The following UPF2 variants were observed in gnomAD, a reference collection of about 807,000 sequenced individuals.
The protein encoded by UPF2 is UPF2 regulator of nonsense mediated mRNA decay.
A neutral mutation model predicts 141.4 loss-of-function variants in UPF2; 17 were observed. The ratio of observed to expected loss-of-function variants is 0.12; its 90% CI spans 0.08 to 0.18. UPF2 has a LOEUF of 0.18. Ranked by LOEUF, UPF2 falls within the 10% of genes least tolerant of loss-of-function variation. UPF2 has a pLI of 1.00. For synonymous variants in UPF2, 540 were observed against 498.0 expected (o/e 1.08, Z -1.12); for missense variants, 1,152 against 1,515.9 (o/e 0.76, Z 3.99).
chr10:11,986,147 G>A (rs1487566412), intron 8 of UPF2, among the ~76,000 whole-genome samples: 1 of 151,932 alleles, frequency 6.6e-6, no homozygotes, highest in Non-Finnish European at 1.5e-5. Flanking sequence ...GCCTCCCAAA[G>A]TGCTGGGATT....
chr10:11,942,613 G>T, intron 18 of UPF2, 52 bp downstream of exon 18: 5 of 1,530,138 alleles, frequency 3.3e-6, no homozygotes, highest in Non-Finnish European at 4.5e-6. Context: ...AATGTAATGG[G>T]CTGCAATGTT....
chr10:11,948,265 A>C (rs1833029378), intron 16 of UPF2, 104 bp downstream of exon 16: 2 of 1,173,942 alleles, frequency 1.7e-6, no homozygotes, highest in Non-Finnish European at 1.1e-6. Flanking sequence ...AAAAAAAAAA[A>C]AAAAACCAGG....
chr10:11,977,924 G>GAA (rs1180155866), intron 9 of UPF2, among the ~76,000 whole-genome samples: 1 of 152,130 alleles, frequency 6.6e-6, no homozygotes. Context: ...ATGAAAATCT[G>GAA]AAAAACACTT....
rs1279399348 is a variant in UPF2, at chr10:11,939,980, G to A, written c.3378+2685C>T. On this transcript the variant is annotated intron_variant, in intron 18 of 21. Transcript: ENST00000357604. This position sits in a 1 kb window ranked among gnomAD's most constrained non-coding sequence, Gnocchi z 4.8. Reference sequence around the variant, plus strand: ...AAACAAAACAAAACATCTTCCTGGTGTGATATAATTAGGATTATACTAAGT... The same window carrying A: ...AAACAAAACAAAACATCTTCCTGGTATGATATAATTAGGATTATACTAAGT... Among the ~76,000 whole-genome samples, 1 of 152,122 alleles carries A rather than the reference G, an allele frequency of 6.6e-6. No individual in the cohort carries two copies. Among genetic ancestry groups the A allele is most frequent in the Non-Finnish European group, 1.5e-5 (1 of 68,024 alleles).
intron 3 of UPF2, among the ~76,000 whole-genome samples, chr10:12,015,905 C>G (rs960779968): frequency 1.3e-5 from 2 of 151,722 alleles, no homozygotes; most frequent in African/African-American, 4.8e-5. Context: ...ATCATTCTAC[C>G]AACACATTAG....
At chr10:11,996,146 G>A (rs1833860932) in intron 8 of UPF2, among the ~76,000 whole-genome samples, 1 of 152,112 alleles carries the variant, frequency 6.6e-6, no homozygotes, top group Admixed American at 6.5e-5. Context: ...ATGGATCACA[G>A]TACACAGCAG....
At chr10:12,034,374 G>A (rs1392059615) in intron 2 of UPF2, among the ~76,000 whole-genome samples, 1 of 151,782 alleles carries the variant, frequency 6.6e-6, no homozygotes, top group Non-Finnish European at 1.5e-5. Flanking sequence ...CCAGGCAGGA[G>A]TGCAGTGGCA....
intron 8 of UPF2, among the ~76,000 whole-genome samples, chr10:11,983,211 T>C (rs1833628319): frequency 6.6e-6 from 1 of 152,232 alleles, no homozygotes; most frequent in Non-Finnish European, 1.5e-5. Flanking sequence ...TAACATTACA[T>C]TTTATCAAGC....
chr10:11,966,892 T>C (rs750865383), intron 10 of UPF2, among the ~76,000 whole-genome samples: 2 of 152,252 alleles, frequency 1.3e-5, no homozygotes, highest in African/African-American at 2.4e-5. Flanking sequence ...GTAGAAATGT[T>C]TGTATTCACA....
chr10:12,015,173 TAA>T (rs1239948989), intron 3 of UPF2, among the ~76,000 whole-genome samples: 3 of 152,240 alleles, frequency 2.0e-5, no homozygotes, highest in African/African-American at 7.2e-5. Flanking sequence ...TTATAAATTA[TAA>T]AAGTTATTTT....
chr10:12,009,632 C>T lies in UPF2; in HGVS notation c.1306+4392G>A, dbSNP rs566957899. ...ACGAAAAACTCAGCTCTACAATTGC[C>T]CCAGCTTACTTCATAAAGAGATTTT... On this transcript the variant is annotated intron_variant, in intron 4 of 21. Transcript: ENST00000357604. Among the ~76,000 whole-genome samples the T allele has an allele frequency of 4.6e-5, 7 of 152,258 alleles. No individual in the cohort carries two copies. The South Asian group carries it at 1.2e-3, about 27-fold the overall frequency.
At position 11,956,591 on chromosome 10, in the gene UPF2, A is replaced by G; in HGVS notation, c.2371-68T>C. 2.7e-6 allele frequency: 4 copies of G among 1,466,990 alleles called. No homozygotes were observed. Among genetic ancestry groups the G allele is most frequent in the Non-Finnish European group, 3.7e-6 (4 of 1,073,662 alleles). 90.9% of individuals were successfully genotyped at this position (1,466,990 alleles called of 1,614,324 possible). On this transcript the variant is annotated intron_variant, in intron 12 of 21. Transcript: ENST00000357604. This position sits in a 1 kb window ranked among gnomAD's most constrained non-coding sequence, Gnocchi z 4.2. ...CAGTAGCCTGACCAAATAATACAGA[A>G]ATTTTGCTATGATTGCGCAGAGAAC...
At chr10:11,984,217 G>A (rs142388511) in intron 8 of UPF2, among the ~76,000 whole-genome samples, 1,746 of 152,226 alleles carry the variant, frequency 0.011, 25 homozygotes, top group African/African-American at 0.04. Context: ...CAGCGTGCCC[G>A]ATCAATTAAT....
chr10:12,017,501 T>C (rs1368227886), intron 3 of UPF2, among the ~76,000 whole-genome samples: 2 of 152,214 alleles, frequency 1.3e-5, no homozygotes, highest in Admixed American at 6.5e-5. Flanking sequence ...CATTCTATGA[T>C]GGTTCCCTGA....
chr10:11,963,537 T>G (rs1334817440), intron 11 of UPF2, among the ~76,000 whole-genome samples: 2 of 152,170 alleles, frequency 1.3e-5, no homozygotes, highest in Non-Finnish European at 2.9e-5. Context: ...GAGGTCTCAC[T>G]ATGTTGCCAA....
intron 16 of UPF2, among the ~76,000 whole-genome samples, chr10:11,947,135 G>A (rs58346015): frequency 2.2e-3 from 332 of 152,232 alleles, no homozygotes; most frequent in African/African-American, 7.6e-3. Flanking sequence ...TACGGAGGTG[G>A]AGACTACGGT....
chr10:11,961,352 T>C (rs1292685386), intron 11 of UPF2, among the ~76,000 whole-genome samples: 1 of 151,900 alleles, frequency 6.6e-6, no homozygotes, highest in Non-Finnish European at 1.5e-5. Flanking sequence ...AGGGAAGGTT[T>C]TTCTGAGAAA....
At chr10:11,966,860 T>C (rs1833329663) in intron 10 of UPF2, among the ~76,000 whole-genome samples, 1 of 152,232 alleles carries the variant, frequency 6.6e-6, no homozygotes, top group African/African-American at 2.4e-5. Context: ...GCAACTCATA[T>C]GTATGGGATG....
At chr10:11,983,129 T>G (rs1010282416) in intron 8 of UPF2, among the ~76,000 whole-genome samples, 1 of 152,236 alleles carries the variant, frequency 6.6e-6, no homozygotes, top group African/African-American at 2.4e-5. Flanking sequence ...TAACTCACTC[T>G]TAAGTATACT....
Sources: allele counts gnomAD v4.1 joint callset (sites outside exome capture counted in the v4.1 genomes callset), GRCh38; gene constraint gnomAD v4.1.1; non-coding constraint Gnocchi (gnomAD v3.1); transcripts MANE v1.5; gene names NCBI Gene and HGNC (gene_info 2026-07-23, HGNC 2026-07-21).